The following RASSF8 variants were observed in gnomAD, a reference collection of about 807,000 sequenced individuals.
RASSF8 encodes Ras association domain family member 8.
In RASSF8, 22 loss-of-function variants were observed where a neutral mutation model predicts 48.5. That is an observed-to-expected ratio of 0.45 (90% CI 0.32 to 0.65). RASSF8 has a LOEUF of 0.65. RASSF8 is among the 30% of genes least tolerant of loss of function. The probability of loss-of-function intolerance (pLI) is 0.03; values close to 1 mark genes in which losing one functional copy is unlikely to be tolerated. For synonymous variants in RASSF8, 127 were observed against 171.5 expected (o/e 0.74, Z 2.03); for missense variants, 418 against 489.2 (o/e 0.85, Z 1.37).
chr12:26,031,654 G>A (rs1476674704), intron 2 of RASSF8, among the ~76,000 whole-genome samples: 1 of 152,170 alleles, frequency 6.6e-6, no homozygotes, highest in Admixed American at 6.5e-5. Context: ...TTGGTGGTCT[G>A]AGAGACTTAA....
chr12:25,979,897 G>A lies in RASSF8; in HGVS notation c.-202-15140G>A, dbSNP rs529361429. 3.3e-5 allele frequency among the ~76,000 whole-genome samples: 5 copies of A among 152,304 alleles called. No individual in the cohort carries two copies. The South Asian group carries it at 6.2e-4, about 19-fold the overall frequency. On this transcript the variant is annotated intron_variant, in intron 1 of 5. Transcript: ENST00000689635. ...CAGGGAGTGTTTCAGTTGCTGGAGC[G>A]GGTGAAGGATGTAGCAGGTAGGGAA...
chr12:26,010,371 C>T (rs1232397347), intron 2 of RASSF8, among the ~76,000 whole-genome samples: 1 of 152,166 alleles, frequency 6.6e-6, no homozygotes, highest in Non-Finnish European at 1.5e-5. Flanking sequence ...CAAGATGGCA[C>T]AGAGCCTGTA....
intron 2 of RASSF8, among the ~76,000 whole-genome samples, chr12:26,033,260 C>G (rs1308993917): frequency 6.6e-6 from 1 of 152,110 alleles, no homozygotes; most frequent in Non-Finnish European, 1.5e-5. Flanking sequence ...GCTGGAGTTC[C>G]TTTGAGCAAA....
chr12:26,015,888 A>C (rs1942637605), intron 2 of RASSF8, among the ~76,000 whole-genome samples: 1 of 152,188 alleles, frequency 6.6e-6, no homozygotes, highest in African/African-American at 2.4e-5. Flanking sequence ...TAAGAACACA[A>C]GGCGGCACTT....
intron 1 of RASSF8, among the ~76,000 whole-genome samples, chr12:25,986,967 C>T (rs1326314558): frequency 2.7e-5 from 4 of 147,054 alleles, no homozygotes; most frequent in Non-Finnish European, 4.6e-5. Context: ...AACGGAGTTT[C>T]GCTCGTCGCC....
chr12:26,075,191 A>G (rs1332489948), downstream of RASSF8, among the ~76,000 whole-genome samples: 1 of 152,218 alleles, frequency 6.6e-6, no homozygotes, highest in Non-Finnish European at 1.5e-5. Flanking sequence ...GACAATAAGA[A>G]TCAAAGATAC....
chr12:26,063,570 A>C (rs1004377678), intron 3 of RASSF8, among the ~76,000 whole-genome samples: 1 of 151,968 alleles, frequency 6.6e-6, no homozygotes, highest in Non-Finnish European at 1.5e-5. Flanking sequence ...TAACTTTTTC[A>C]TATTTTATTT....
At chr12:25,980,137 T>C (rs947126562) in intron 1 of RASSF8, among the ~76,000 whole-genome samples, 2 of 152,232 alleles carry the variant, frequency 1.3e-5, no homozygotes, top group African/African-American at 2.4e-5. Context: ...AAAAACCAAT[T>C]TAAGCAAATA....
intron 3 of RASSF8, among the ~76,000 whole-genome samples, chr12:26,063,100 A>G (rs1046723804): frequency 2.0e-5 from 3 of 152,240 alleles, no homozygotes; most frequent in Middle Eastern, 3.2e-3. Context: ...AAATACTACT[A>G]TTGGCTCAGA....
intron 2 of RASSF8, among the ~76,000 whole-genome samples, chr12:26,025,885 A>G (rs1019072626): frequency 6.6e-6 from 1 of 152,094 alleles, no homozygotes; most frequent in African/African-American, 2.4e-5. Flanking sequence ...AAGAAATTAA[A>G]GACCAAAATA....
chr12:26,058,536 G>GCACA (rs1375173138), intron 3 of RASSF8, among the ~76,000 whole-genome samples: 1 of 83,426 alleles, frequency 1.2e-5, no homozygotes, highest in Non-Finnish European at 2.7e-5. Context: ...GCACGCGCGC[G>GCACA]CGCACACACA....
At chr12:25,982,943 G>T (rs980198273) in intron 1 of RASSF8, among the ~76,000 whole-genome samples, 1 of 152,214 alleles carries the variant, frequency 6.6e-6, no homozygotes, top group Admixed American at 6.5e-5. Context: ...TTATATAGTT[G>T]TAGAGTGGTT....
intron 2 of RASSF8, among the ~76,000 whole-genome samples, chr12:26,017,135 A>C (rs1393440819): frequency 1.3e-5 from 2 of 152,132 alleles, no homozygotes; most frequent in African/African-American, 4.8e-5. Context: ...TTTTTAAAAA[A>C]ATTTTTGGTT....
intron 4 of RASSF8, among the ~76,000 whole-genome samples, chr12:26,065,907 C>T (rs547483375): frequency 4.6e-5 from 7 of 152,220 alleles, no homozygotes; most frequent in East Asian, 1.9e-4. Context: ...AGTTCACATA[C>T]GAGAAGTTCT....
At chr12:26,076,654 T>C (rs749051459), downstream of RASSF8, among the ~76,000 whole-genome samples, 10 of 152,168 alleles carry the variant, frequency 6.6e-5, no homozygotes, top group Non-Finnish European at 1.5e-4. Flanking sequence ...ATTTTCTTAA[T>C]TGTCTATCAT....
chr12:26,064,640 G>A lies in RASSF8; in HGVS notation c.246G>A (p.Pro82=), dbSNP rs775808070. ...AGCTCATTCTACGACGAACTGGGCC[G>A]TCTCTCAGTGAGCGACCCACTTCAG... is the stretch of plus-strand genomic sequence containing the variant. ...DVQLILRRTG[P]SLSERPTSDS... The change falls in exon 4 of 6, where the codon CCG becomes CCA. Residue 82 remains proline, a synonymous_variant. Coordinates refer to ENST00000689635, the MANE Select transcript of RASSF8 (RefSeq NM_001394098.1). 29 of 1,614,026 alleles carry A rather than the reference G, an allele frequency of 1.8e-5. 1 individual carries two copies. The highest frequency in any genetic ancestry group is 3.3e-4 in the Middle Eastern group (2 of 6,084).
At position 26,041,054 on chromosome 12, in the gene RASSF8, A is replaced by AT. The variant is rs10714072; in HGVS notation, c.-108-14171dup. On this transcript the variant is annotated intron_variant, in intron 2 of 5. Coordinates refer to ENST00000689635, the MANE Select transcript of RASSF8 (RefSeq NM_001394098.1). ...GGGTGCCCGCCACCGCGCCTGGTTAATTTTTTTTTTTGTATTTTTAGTAGA... is the reference window on the plus strand; with the variant it reads ...GGGTGCCCGCCACCGCGCCTGGTTAATTTTTTTTTTTTGTATTTTTAGTAGA... Among the ~76,000 whole-genome samples, 269 of 148,958 alleles carry AT rather than the reference A, an allele frequency of 1.8e-3. 1 individual carries two copies. The highest frequency in any genetic ancestry group is 6.0e-3 in the African/African-American group (243 of 40,494).
intron 2 of RASSF8, among the ~76,000 whole-genome samples, chr12:26,053,935 G>A (rs1412465098): frequency 6.6e-6 from 1 of 152,134 alleles, no homozygotes; most frequent in Non-Finnish European, 1.5e-5. Context: ...TGACCAGATG[G>A]CCTAGAACTG....
intron 1 of RASSF8, among the ~76,000 whole-genome samples, chr12:25,960,885 A>C (rs1453175543): frequency 6.6e-6 from 1 of 152,206 alleles, no homozygotes; most frequent in African/African-American, 2.4e-5. Flanking sequence ...TTCTGGAAAA[A>C]ACAGTTACAA....
Sources: allele counts gnomAD v4.1 joint callset (sites outside exome capture counted in the v4.1 genomes callset), GRCh38; gene constraint gnomAD v4.1.1; transcripts MANE v1.5; gene names NCBI Gene and HGNC (gene_info 2026-07-23, HGNC 2026-07-21).